VPS13D: variants seen among roughly 807,000 people sequenced by gnomAD.
VPS13D encodes the protein intermembrane lipid transfer protein VPS13D.
A neutral mutation model predicts 461.9 loss-of-function variants in VPS13D; 187 were observed. The ratio of observed to expected loss-of-function variants is 0.40; its 90% CI spans 0.36 to 0.46. VPS13D has a LOEUF of 0.46. Ranked by LOEUF, VPS13D falls within the 20% of genes least tolerant of loss-of-function variation. The pLI is 0.60. For synonymous variants in VPS13D, 1,951 were observed against 1,986.3 expected (o/e 0.98, Z 0.47); for missense variants, 4,711 against 5,364.9 (o/e 0.88, Z 3.81).
At chr1:12,312,037 TGTCTGCAGAGTGTC>T in intron 29 of VPS13D, 112 bp downstream of exon 29, 7 of 852,962 alleles carry the variant, frequency 8.2e-6, no homozygotes, top group South Asian at 1.7e-5. Flanking sequence ...GATGGAATGT[TGTCTGCAGAGTGTC>T]TTTTGGTTGA....
intron 24 of VPS13D, among the ~76,000 whole-genome samples, chr1:12,298,201 A>C (rs1052381209): frequency 6.6e-6 from 1 of 152,194 alleles, no homozygotes; most frequent in African/African-American, 2.4e-5. Flanking sequence ...AAACGGAGGC[A>C]CAGAGACTTT....
chr1:12,429,451 C>T (rs1644965277), intron 65 of VPS13D, among the ~76,000 whole-genome samples: 1 of 152,118 alleles, frequency 6.6e-6, no homozygotes, highest in African/African-American at 2.4e-5. Flanking sequence ...CACCACCATG[C>T]CAGGCTAATT....
At chr1:12,248,447 ATCC>A (rs1640630662) in intron 5 of VPS13D, among the ~76,000 whole-genome samples, 1 of 152,010 alleles carries the variant, frequency 6.6e-6, no homozygotes, top group Admixed American at 6.6e-5. Context: ...GGCTCAAACA[ATCC>A]TCCTGCCTCA....
intron 60 of VPS13D, among the ~76,000 whole-genome samples, chr1:12,394,665 A>T (rs1644472152): frequency 2.6e-5 from 4 of 152,140 alleles, no homozygotes; most frequent in Admixed American, 1.3e-4. Context: ...AGCTGGGATG[A>T]GTAGGTCTGA....
intron 57 of VPS13D, among the ~76,000 whole-genome samples, chr1:12,380,536 A>G (rs1170567100): frequency 6.6e-6 from 1 of 152,234 alleles, no homozygotes; most frequent in Non-Finnish European, 1.5e-5. Context: ...GTGTTTGGCA[A>G]ATTACCAAGG....
chr1:12,306,281 C>T (rs1419013843), intron 26 of VPS13D, among the ~76,000 whole-genome samples: 1 of 152,196 alleles, frequency 6.6e-6, no homozygotes, highest in African/African-American at 2.4e-5. Flanking sequence ...GTAACCTGAC[C>T]TGCCCAAGGT....
chr1:12,281,626 T>TA (rs1641786744), intron 20 of VPS13D, among the ~76,000 whole-genome samples: 1 of 152,166 alleles, frequency 6.6e-6, no homozygotes, highest in African/African-American at 2.4e-5. Flanking sequence ...AGGAGGCACA[T>TA]AATCAGGTCT....
At chr1:12,379,862 G>A (rs1267502657) in intron 57 of VPS13D, among the ~76,000 whole-genome samples, 3 of 151,472 alleles carry the variant, frequency 2.0e-5, no homozygotes, top group Admixed American at 6.6e-5. Flanking sequence ...TCCGCCTCCC[G>A]GGTTCACGCC....
chr1:12,375,113 A>G (rs1223099508), intron 55 of VPS13D, among the ~76,000 whole-genome samples: 1 of 152,220 alleles, frequency 6.6e-6, no homozygotes, highest in Non-Finnish European at 1.5e-5. Context: ...TGCTTTCAGC[A>G]TGTGCCCTCA....
intron 54 of VPS13D, among the ~76,000 whole-genome samples, chr1:12,371,707 A>C (rs1210251769): frequency 6.6e-6 from 1 of 152,050 alleles, no homozygotes; most frequent in African/African-American, 2.4e-5. Context: ...TTTTTTATGA[A>C]AAGTACCCAG....
chr1:12,460,699 T>C (rs1028099194), intron 67 of VPS13D, among the ~76,000 whole-genome samples: 11 of 151,854 alleles, frequency 7.2e-5, no homozygotes, highest in African/African-American at 2.7e-4. Flanking sequence ...GTTATTTTTC[T>C]CCATTAGAGA....
In VPS13D at chr1:12,351,732, C is replaced by T. The variant is rs564334582; in HGVS notation, c.9432-2242C>T. 1.0e-3 allele frequency among the ~76,000 whole-genome samples: 154 copies of T among 151,616 alleles called. 1 individual carries two copies. Among genetic ancestry groups the T allele is most frequent in the African/African-American group, 3.1e-3 (128 of 41,332 alleles). ...TCAGCCTCCCGAGTAGCTGGGATTA[C>T]AGGCACCCACCACCACAACCGGCTG... On this transcript the variant is annotated intron_variant, in intron 46 of 69. Coordinates refer to ENST00000620676, the MANE Select transcript of VPS13D (RefSeq NM_015378.4).
intron 21 of VPS13D, among the ~76,000 whole-genome samples, chr1:12,286,580 T>G (rs1303228513): frequency 6.6e-6 from 1 of 152,240 alleles, no homozygotes; most frequent in Non-Finnish European, 1.5e-5. Context: ...ACTGTTTGAC[T>G]TCTTTTATCC....
intron 22 of VPS13D, 145 bp from the exon 23 acceptor site, chr1:12,290,853 A>T (rs943375298): frequency 7.8e-6 from 5 of 638,828 alleles, no homozygotes; most frequent in Non-Finnish European, 1.2e-5. Context: ...TTTGGGGTAT[A>T]TTGGAATATG....
At chr1:12,481,655 A>C (rs547876433) in intron 67 of VPS13D, among the ~76,000 whole-genome samples, 6 of 152,252 alleles carry the variant, frequency 3.9e-5, no homozygotes, top group African/African-American at 1.4e-4. Context: ...TTCTGCTTTC[A>C]AGGGGGATGG....
At chr1:12,422,330 T>A (rs1451048429) in intron 65 of VPS13D, among the ~76,000 whole-genome samples, 1 of 152,240 alleles carries the variant, frequency 6.6e-6, no homozygotes, top group Non-Finnish European at 1.5e-5. Flanking sequence ...TTGCTACATG[T>A]TAATTTTACT....
chr1:12,345,548 T>G (rs1271626012), intron 43 of VPS13D, 39 bp downstream of exon 43: 1 of 1,589,196 alleles, frequency 6.3e-7, no homozygotes, highest in Admixed American at 1.7e-5. Flanking sequence ...TAAGCGACTG[T>G]CAGGAAGTCA....
In VPS13D at chr1:12,308,530, A is replaced by C; in HGVS notation, c.6539A>C (p.Glu2180Ala). The change falls in exon 27 of 70, where the codon GAG (glutamate) becomes GCG (alanine). Residue 2180 changes from glutamate to alanine, a missense_variant. Transcript: ENST00000620676. ...RHPREYSKAPEDSSGDLIFPS... is the reference protein window; with the variant it reads ...RHPREYSKAPADSSGDLIFPS... ...CCGAGAGAATACTCGAAGGCACCAG[A>C]GGATAGTAGTGGAGATCTGATCTTC... 1 of 1,614,094 alleles carries C rather than the reference A, an allele frequency of 6.2e-7. No individual in the cohort carries two copies. The highest frequency in any genetic ancestry group is 8.5e-7 in the Non-Finnish European group (1 of 1,180,016).
chr1:12,420,817 T>A (rs1644853779), intron 65 of VPS13D, among the ~76,000 whole-genome samples: 2 of 152,198 alleles, frequency 1.3e-5, no homozygotes, highest in Non-Finnish European at 1.5e-5. Flanking sequence ...CCTGTCACAC[T>A]GGCCTGAGGA....
Sources: allele counts gnomAD v4.1 joint callset (sites outside exome capture counted in the v4.1 genomes callset), GRCh38; gene constraint gnomAD v4.1.1; transcripts MANE v1.5; gene names NCBI Gene and HGNC (gene_info 2026-07-23, HGNC 2026-07-21).